Variants in TAX1BP1 observed in about 807,000 individuals in gnomAD.
TAX1BP1 encodes the protein tax1-binding protein 1.
In TAX1BP1, 62 loss-of-function variants were observed where a neutral mutation model predicts 97.7. The observed-to-expected ratio is 0.63, with a 90% CI of 0.52 to 0.78. The LOEUF is 0.78. Ranked by LOEUF, TAX1BP1 falls within the 30% of genes least tolerant of loss-of-function variation. The probability of loss-of-function intolerance (pLI) is 0.00; values close to 1 mark genes in which losing one functional copy is unlikely to be tolerated. For synonymous variants in TAX1BP1, 340 were observed against 304.2 expected (o/e 1.12, Z -1.23); for missense variants, 867 against 916.1 (o/e 0.95, Z 0.69).
At chr7:27,774,218 G>C (rs1445856780) in intron 5 of TAX1BP1, among the ~76,000 whole-genome samples, 1 of 152,020 alleles carries the variant, frequency 6.6e-6, no homozygotes, top group Non-Finnish European at 1.5e-5. Context: ...CTTTTTGGCT[G>C]TTTCTTCTCT....
intron 13 of TAX1BP1, among the ~76,000 whole-genome samples, chr7:27,800,863 G>A (rs913368898): frequency 4.0e-4 from 61 of 152,144 alleles, no homozygotes; most frequent in Non-Finnish European, 6.9e-4. Flanking sequence ...CCAGCACTTT[G>A]GGAGGCTGAG....
At chr7:27,803,683 GA>G (rs112843111) in intron 13 of TAX1BP1, among the ~76,000 whole-genome samples, 2 of 150,942 alleles carry the variant, frequency 1.3e-5, no homozygotes, top group African/African-American at 2.4e-5. Flanking sequence ...TCACAGTAGA[GA>G]AAAAAAAAGC....
At chr7:27,759,855 C>G (rs927874457) in intron 3 of TAX1BP1, among the ~76,000 whole-genome samples, 2 of 139,198 alleles carry the variant, frequency 1.4e-5, no homozygotes, top group Non-Finnish European at 3.2e-5. Flanking sequence ...TTTTGTAAAT[C>G]TTTTTTTTTT....
At position 27,769,670 on chromosome 7, in the gene TAX1BP1, T is replaced by G. The variant is rs748897310; in HGVS notation, c.454-6T>G. On this transcript the variant is annotated splice_polypyrimidine_tract_variant and splice_region_variant and intron_variant, in intron 4 of 16. Coordinates refer to ENST00000396319, the MANE Select transcript of TAX1BP1 (RefSeq NM_006024.7). ...AACTAATTAATCTGAGTTTTTTGCT[T>G]TATAGTTGAAAATTGAGAAAACCAT... is the stretch of plus-strand genomic sequence containing the variant. 35 of 1,595,738 alleles carry G rather than the reference T, an allele frequency of 2.2e-5. No individual in the cohort carries two copies. The highest frequency in any genetic ancestry group is 4.6e-5 in the South Asian group (4 of 86,784).
At chr7:27,768,170 T>C (rs1788712169) in intron 4 of TAX1BP1, among the ~76,000 whole-genome samples, 1 of 152,056 alleles carries the variant, frequency 6.6e-6, no homozygotes, top group South Asian at 2.1e-4. Flanking sequence ...TAGGTGATGC[T>C]TGCTCTGAAG....
rs1411451614 is a variant in TAX1BP1 at position 27,813,155 on chromosome 7, T to TC, written c.1765-3194_1765-3193insC. 2.0e-4 allele frequency among the ~76,000 whole-genome samples: 30 copies of TC among 147,134 alleles called. No homozygotes were observed. In the Middle Eastern group the frequency reaches 0.01, roughly 51 times the overall value. Reference sequence around the variant, plus strand: ...TCCAACTTTGTTCTGCTTTTTTTTTTTTTTTTTTTTTTCTTAAAGACAGCA... The same window carrying TC: ...TCCAACTTTGTTCTGCTTTTTTTTTTCTTTTTTTTTTTTCTTAAAGACAGCA... On this transcript the variant is annotated intron_variant, in intron 13 of 16. Transcript: ENST00000396319.
chr7:27,766,119 C>A, intron 4 of TAX1BP1, 98 bp downstream of exon 4: 1 of 1,274,438 alleles, frequency 7.8e-7, no homozygotes, highest in Non-Finnish European at 1.1e-6. Flanking sequence ...GTGAGAGTTG[C>A]CACAAAAATC....
intron 2 of TAX1BP1, among the ~76,000 whole-genome samples, chr7:27,754,152 C>G (rs542253994): frequency 1.3e-5 from 2 of 152,278 alleles, no homozygotes; most frequent in Non-Finnish European, 2.9e-5. Context: ...ATCCTGCTGT[C>G]AAGCACATCA....
intron 1 of TAX1BP1, 184 bp downstream of exon 1, chr7:27,740,453 T>C (rs1474271911): frequency 6.5e-6 from 1 of 152,902 alleles, no homozygotes; most frequent in Non-Finnish European, 1.5e-5. Context: ...AGACTGCGAT[T>C]GTGACGGGGG....
intron 10 of TAX1BP1, 85 bp downstream of exon 10, chr7:27,793,297 A>G (rs895657527): frequency 2.4e-5 from 28 of 1,175,630 alleles, no homozygotes; most frequent in African/African-American, 3.2e-5. Flanking sequence ...CCAAATATCA[A>G]CCTTTTAAAT....
Position 27,792,064 on chromosome 7 carries a change from C to G in TAX1BP1, c.1097C>G (p.Thr366Ser), listed in dbSNP as rs1789731449. 1.9e-6 allele frequency: 3 copies of G among 1,614,098 alleles called. No homozygotes were observed. Among genetic ancestry groups the G allele is most frequent in the East Asian group, 2.2e-5 (1 of 44,884 alleles). ...AAAGCAGAGGAACAGGTTCAGGCAA[C>G]TCGGCAAGAAGTTGTCTTTCTGGCT... is the stretch of plus-strand genomic sequence containing the variant. ...LRKAEEQVQA[T>S]RQEVVFLAKE... Residue 366 changes from threonine to serine, a missense_variant, in exon 9 of 17, where the codon ACT becomes AGT. Transcript: ENST00000396319.
In TAX1BP1 at chr7:27,785,278, A is replaced by G. The variant is rs148512801; in HGVS notation, c.728A>G (p.His243Arg). ...GAGGAAGATATTGTGTCAGTAACAC[A>G]TAAAGCAATTGAAAAAGAAACCGAA... is the stretch of plus-strand genomic sequence containing the variant. ...QLEEDIVSVTHKAIEKETELD... is the reference protein window; with the variant it reads ...QLEEDIVSVTRKAIEKETELD... The change falls in exon 6 of 17, where the codon CAT becomes CGT. Residue 243 changes from histidine (H) to arginine (R), a missense_variant. Transcript: ENST00000396319. 7.9e-5 allele frequency: 128 copies of G among 1,611,646 alleles called. No individual in the cohort carries two copies. The African/African-American group carries it at 1.5e-3, about 19-fold the overall frequency.
intron 4 of TAX1BP1, among the ~76,000 whole-genome samples, chr7:27,767,828 AT>A (rs1788697262): frequency 6.6e-6 from 1 of 152,080 alleles, no homozygotes; most frequent in Admixed American, 6.5e-5. Flanking sequence ...GAATGTGAAA[AT>A]TGCTGTTTCT....
At position 27,794,332 on chromosome 7, in the gene TAX1BP1, A is replaced by G. The variant is rs745396277; in HGVS notation, c.1420A>G (p.Asn474Asp). ...NKLSDQSANN[N>D]NVFTKKTGNQ... is the part of the protein sequence containing the mutation. ...TTAACATTTTGAATAGGCTAATAAT[A>G]ATAATGTCTTCACAAAGAAAACGGG... Residue 474 changes from asparagine to aspartate, a missense_variant, in exon 11 of 17, where the codon AAT (asparagine) becomes GAT (aspartate). This residue lies in a region of TAX1BP1 where 822 missense variants were observed against 851.4 expected (regional missense o/e 0.97). Transcript: ENST00000396319. The G allele has an allele frequency of 3.1e-6, 5 of 1,611,286 alleles. No homozygotes were observed. The highest frequency in any genetic ancestry group is 4.2e-6 in the Non-Finnish European group (5 of 1,178,338).
intron 1 of TAX1BP1, among the ~76,000 whole-genome samples, chr7:27,741,120 A>T (rs954143541): frequency 3.9e-5 from 6 of 152,244 alleles, no homozygotes; most frequent in Non-Finnish European, 8.8e-5. Flanking sequence ...GGTTTCACAC[A>T]GTGGTTATGA....
At chr7:27,749,601 AT>A (rs1255084665) in intron 2 of TAX1BP1, among the ~76,000 whole-genome samples, 2 of 152,222 alleles carry the variant, frequency 1.3e-5, no homozygotes, top group Non-Finnish European at 2.9e-5. Context: ...GCAGAAAAAC[AT>A]TTGGACAAAA....
chr7:27,828,844 G>C lies in TAX1BP1; in HGVS notation c.*15G>C. 7.7e-7 allele frequency: 1 copy of C among 1,298,658 alleles called. No homozygotes were observed. Among genetic ancestry groups the C allele is most frequent in the Non-Finnish European group, 1.1e-6 (1 of 920,248 alleles). 80.4% of individuals were successfully genotyped at this position (1,298,658 alleles called of 1,614,324 possible). ...ATTTTGACTAGTTACTTTTTATTAT[G>C]AGTTAATATAGTTTAGCAGTAAAAA... On this transcript the variant is annotated 3_prime_UTR_variant, in exon 17 of 17. Coordinates refer to ENST00000396319, the MANE Select transcript of TAX1BP1 (RefSeq NM_006024.7).
intron 5 of TAX1BP1, among the ~76,000 whole-genome samples, chr7:27,783,397 C>T (rs1331904860): frequency 2.0e-5 from 3 of 152,146 alleles, no homozygotes; most frequent in East Asian, 3.9e-4. Flanking sequence ...TTAACTCAGA[C>T]GTGAAAACTA....
chr7:27,780,589 A>G (rs1232315310), intron 5 of TAX1BP1, among the ~76,000 whole-genome samples: 1 of 152,196 alleles, frequency 6.6e-6, no homozygotes, highest in Non-Finnish European at 1.5e-5. Flanking sequence ...GGCATTTAGT[A>G]TCTAATACAT....
Sources: allele counts gnomAD v4.1 joint callset (sites outside exome capture counted in the v4.1 genomes callset), GRCh38; gene constraint gnomAD v4.1.1; regional missense constraint gnomAD v4.1.1; transcripts MANE v1.5; gene names NCBI Gene and HGNC (gene_info 2026-07-23, HGNC 2026-07-21).